Variants in WLS observed in about 807,000 individuals in gnomAD.
WLS encodes the protein Wnt ligand secretion mediator.
A neutral mutation model predicts 62.8 loss-of-function variants in WLS; 23 were observed. That is an observed-to-expected ratio of 0.37 (90% CI 0.26 to 0.52). The LOEUF is 0.52. WLS is among the 20% of genes least tolerant of loss of function. The probability of loss-of-function intolerance (pLI) is 0.92; values close to 1 mark genes in which losing one functional copy is unlikely to be tolerated. For missense variants in WLS, 615 were observed against 697.3 expected, an observed-to-expected ratio of 0.88 and a Z score of 1.33; for synonymous variants, 246 against 244.1, an observed-to-expected ratio of 1.01 and a Z score of -0.07.
chr1:68,119,025 T>C (rs533003193), intron 11 of WLS, among the ~76,000 whole-genome samples: 1 of 152,098 alleles, frequency 6.6e-6, no homozygotes, highest in Non-Finnish European at 1.5e-5. Flanking sequence ...AAGATTTATA[T>C]CCAAGGATGC....
At chr1:68,109,959 G>A (rs2100322023) in intron 11 of WLS, among the ~76,000 whole-genome samples, 1 of 138,910 alleles carries the variant, frequency 7.2e-6, no homozygotes, top group South Asian at 2.3e-4. Flanking sequence ...CTGATGGTGG[G>A]GAAATCATTG....
At chr1:68,206,115 A>G (rs1004038316) in intron 1 of WLS, among the ~76,000 whole-genome samples, 1 of 152,236 alleles carries the variant, frequency 6.6e-6, no homozygotes, top group African/African-American at 2.4e-5. Flanking sequence ...GAAGTCAAGG[A>G]TGTCCCCAAA....
chr1:68,145,754 T>C (rs1006871919), intron 9 of WLS, 115 bp downstream of exon 9: 2 of 1,492,150 alleles, frequency 1.3e-6, no homozygotes, highest in African/African-American at 2.8e-5. Flanking sequence ...CATGAGAATC[T>C]CTCAATTTGT....
chr1:68,100,897 T>C (rs1214689684), intron 11 of WLS: 1 of 152,224 alleles, frequency 6.6e-6, no homozygotes, highest in Non-Finnish European at 1.5e-5. Flanking sequence ...ACCATGAACA[T>C]GGGACACATG....
In WLS at chr1:68,118,073, G is replaced by T. The variant is rs116466939; in HGVS notation, c.1511-19320C>A. Reference sequence around the variant, plus strand: ...GAAAGCAAAACTAGAAACTATAAAAGAAAAAATGTACAGGTTGACTACATA... The same window carrying T: ...GAAAGCAAAACTAGAAACTATAAAATAAAAAATGTACAGGTTGACTACATA... On this transcript the variant is annotated intron_variant, in intron 11 of 11. Coordinates refer to the WLS transcript ENST00000354777. Among the ~76,000 whole-genome samples, 368 of 151,736 alleles carry T rather than the reference G, an allele frequency of 2.4e-3. 1 individual carries two copies. The highest frequency in any genetic ancestry group is 8.6e-3 in the African/African-American group (356 of 41,412).
At chr1:68,195,604 T>C (rs1648617198) in intron 1 of WLS, among the ~76,000 whole-genome samples, 1 of 152,176 alleles carries the variant, frequency 6.6e-6, no homozygotes, top group Admixed American at 6.5e-5. Flanking sequence ...ATCCTTTGCC[T>C]AATATGTTTT....
chr1:68,231,809 C>T (rs1042206138), intron 1 of WLS: 5 of 478,008 alleles, frequency 1.0e-5, no homozygotes, highest in Non-Finnish European at 1.2e-5. Flanking sequence ...CCTCCCGGAG[C>T]TGATTGGAAG....
rs142537041 is a variant in WLS, at chr1:68,154,261, A to C, written c.667-608T>G. 1.8e-4 allele frequency among the ~76,000 whole-genome samples: 27 copies of C among 152,298 alleles called. No individual in the cohort carries two copies. In the East Asian group the frequency reaches 5.0e-3, roughly 28 times the overall value. The stretch of plus-strand genomic sequence containing the variant: ...CCCTCACATCTTACTAATCTGGTCT[A>C]CTAAGGCTACAAGAGCTTTTTCCCT... On this transcript the variant is annotated intron_variant, in intron 4 of 11. Coordinates refer to ENST00000262348, the MANE Select transcript of WLS (RefSeq NM_024911.7).
At chr1:68,232,113 T>C in intron 1 of WLS, 81 bp downstream of exon 1, 4 of 1,581,366 alleles carry the variant, frequency 2.5e-6, no homozygotes, top group Non-Finnish European at 3.5e-6. Context: ...AGTGATACTG[T>C]AACAAGTAGC....
chr1:68,139,745 C>T (rs867535260), intron 10 of WLS, among the ~76,000 whole-genome samples: 3 of 152,110 alleles, frequency 2.0e-5, no homozygotes, highest in African/African-American at 4.8e-5. Context: ...CAGTGGTGCT[C>T]GATAGACATA....
At chr1:68,165,691 G>T (rs1178539784) in intron 2 of WLS, among the ~76,000 whole-genome samples, 1 of 152,154 alleles carries the variant, frequency 6.6e-6, no homozygotes, top group Admixed American at 6.5e-5. Flanking sequence ...GGGGAGAAAA[G>T]GGGTGTAGGG....
At chr1:68,165,157 G>T (rs944133516) in intron 2 of WLS, among the ~76,000 whole-genome samples, 1 of 151,984 alleles carries the variant, frequency 6.6e-6, no homozygotes, top group African/African-American at 2.4e-5. Flanking sequence ...ATGAAAAGCT[G>T]TAAAAAATGT....
At chr1:68,109,628 AG>A (rs1397209814) in intron 11 of WLS, among the ~76,000 whole-genome samples, 5 of 152,232 alleles carry the variant, frequency 3.3e-5, no homozygotes, top group African/African-American at 1.2e-4. Context: ...AAAACAGCAG[AG>A]GAAAGAATTA....
intron 11 of WLS, among the ~76,000 whole-genome samples, chr1:68,109,697 TTATAAA>T (rs999923231): frequency 3.3e-5 from 5 of 151,998 alleles, no homozygotes; most frequent in East Asian, 3.9e-4. Context: ...GAAAAAAAGA[TTATAAA>T]TAAGAAAGAA....
At chr1:68,142,421 G>A (rs1646698669) in intron 10 of WLS, among the ~76,000 whole-genome samples, 1 of 152,162 alleles carries the variant, frequency 6.6e-6, no homozygotes, top group Non-Finnish European at 1.5e-5. Flanking sequence ...TGCAGGTCTG[G>A]CTGTGTCAAG....
At chr1:68,161,497 T>C (rs922200298) in intron 2 of WLS, among the ~76,000 whole-genome samples, 2 of 152,244 alleles carry the variant, frequency 1.3e-5, no homozygotes, top group Non-Finnish European at 2.9e-5. Flanking sequence ...CTTTGTGATT[T>C]GATGCACAGA....
intron 1 of WLS, among the ~76,000 whole-genome samples, chr1:68,226,164 A>G (rs1650132127): frequency 6.6e-6 from 1 of 152,210 alleles, no homozygotes; most frequent in African/African-American, 2.4e-5. Flanking sequence ...AATCAGTTTT[A>G]GTGCTATTCT....
chr1:68,223,219 A>T, intron 1 of WLS, among the ~76,000 whole-genome samples: 1 of 152,204 alleles, frequency 6.6e-6, no homozygotes, highest in Non-Finnish European at 1.5e-5. Flanking sequence ...TGGGAGTAAA[A>T]TGTGCATGCT....
chr1:68,115,608 T>A (rs769262700), intron 11 of WLS, among the ~76,000 whole-genome samples: 8 of 152,132 alleles, frequency 5.3e-5, no homozygotes, highest in Non-Finnish European at 1.2e-4. Context: ...ATGGGACTAC[T>A]GTGAGGTGCC....
Sources: allele counts gnomAD v4.1 joint callset (sites outside exome capture counted in the v4.1 genomes callset), GRCh38; gene constraint gnomAD v4.1.1; transcripts MANE v1.5; gene names NCBI Gene and HGNC (gene_info 2026-07-23, HGNC 2026-07-21).